Variants in ABHD12 observed in about 807,000 individuals in gnomAD.
ABHD12 encodes the protein lysophosphatidylserine lipase ABHD12.
ABHD12 carries 43 observed loss-of-function variants against 58.3 expected under a neutral mutation model. The observed-to-expected ratio is 0.74, with a 90% CI of 0.58 to 0.95. The LOEUF is 0.95. ABHD12 is among the 40% of genes least tolerant of loss of function. The pLI, the probability that ABHD12 is intolerant of heterozygous loss-of-function variation, is 0.00. For synonymous variants in ABHD12, 219 were observed against 211.2 expected, an observed-to-expected ratio of 1.04 and a Z score of -0.32; for missense variants, 539 against 537.2, an observed-to-expected ratio of 1.00 and a Z score of -0.03.
chr20:25,356,427 G>C lies in ABHD12; in HGVS notation c.192-17076C>G, dbSNP rs370426576. ...GCTGCTCTTGCACACTTTCCTTGCAGGGTGCAGGTCCCTCTGTGGATATCC... is the reference window on the plus strand; with the variant it reads ...GCTGCTCTTGCACACTTTCCTTGCACGGTGCAGGTCCCTCTGTGGATATCC... On this transcript the variant is annotated intron_variant, in intron 1 of 12. Transcript: ENST00000339157. 1.2e-3 allele frequency among the ~76,000 whole-genome samples: 182 copies of C among 152,368 alleles called. 1 individual carries two copies. Among genetic ancestry groups the C allele is most frequent in the African/African-American group, 4.2e-3 (174 of 41,584 alleles).
At chr20:25,378,129 C>G (rs913110979) in intron 1 of ABHD12, among the ~76,000 whole-genome samples, 24 of 152,326 alleles carry the variant, frequency 1.6e-4, no homozygotes, top group African/African-American at 5.3e-4. Flanking sequence ...GAAGATAAAT[C>G]AGTACATAAA....
chr20:25,357,144 C>T (rs1233471970), intron 1 of ABHD12, among the ~76,000 whole-genome samples: 1 of 152,144 alleles, frequency 6.6e-6, no homozygotes, highest in Non-Finnish European at 1.5e-5. Context: ...ACCCTGTGCC[C>T]CATGCTGCTG....
At chr20:25,305,333 A>C (rs2088715443) in intron 10 of ABHD12, among the ~76,000 whole-genome samples, 2 of 152,054 alleles carry the variant, frequency 1.3e-5, no homozygotes, top group African/African-American at 2.4e-5. Context: ...GTTTCAAATT[A>C]AATTAAATAT....
chr20:25,311,526 A>G (rs1363151298), intron 6 of ABHD12, among the ~76,000 whole-genome samples: 1 of 152,256 alleles, frequency 6.6e-6, no homozygotes, highest in Non-Finnish European at 1.5e-5. Context: ...ATGTTATAGC[A>G]GCAAGAGAGA....
At chr20:25,389,331 A>G (rs2090137938) in intron 1 of ABHD12, among the ~76,000 whole-genome samples, 1 of 152,238 alleles carries the variant, frequency 6.6e-6, no homozygotes, top group African/African-American at 2.4e-5. Context: ...CCATCGACTT[A>G]GAAGTGTCTA....
chr20:25,383,118 G>A (rs1360592271), intron 1 of ABHD12, among the ~76,000 whole-genome samples: 2 of 152,192 alleles, frequency 1.3e-5, no homozygotes, highest in Non-Finnish European at 2.9e-5. Flanking sequence ...AAAAGATGAA[G>A]AGATACCATA....
chr20:25,324,960 GCTC>G (rs2089147517), intron 2 of ABHD12, among the ~76,000 whole-genome samples: 2 of 151,964 alleles, frequency 1.3e-5, no homozygotes, highest in Non-Finnish European at 2.9e-5. Context: ...CCATCTGATG[GCTC>G]CTATTAGATT....
intron 1 of ABHD12, among the ~76,000 whole-genome samples, chr20:25,385,395 G>A (rs189584552): frequency 2.0e-5 from 3 of 148,700 alleles, no homozygotes; most frequent in East Asian, 2.0e-4. Flanking sequence ...AAAAAACAGG[G>A]AAGAAAACTA....
At chr20:25,370,101 T>G (rs773105670) in intron 1 of ABHD12, among the ~76,000 whole-genome samples, 5 of 152,176 alleles carry the variant, frequency 3.3e-5, no homozygotes, top group Non-Finnish European at 7.3e-5. Flanking sequence ...TTAAATTGAT[T>G]ACAGTGGACC....
At chr20:25,339,190 AC>A (rs746767006) in intron 2 of ABHD12, 36 bp downstream of exon 2, 65 of 1,613,118 alleles carry the variant, frequency 4.0e-5, no homozygotes, top group Non-Finnish European at 4.7e-5. Context: ...ATGAACCCTT[AC>A]TAAAATTAAA....
At chr20:25,330,566 C>T (rs2089255500) in intron 2 of ABHD12, among the ~76,000 whole-genome samples, 1 of 152,254 alleles carries the variant, frequency 6.6e-6, no homozygotes. Context: ...ATGTCCCTGT[C>T]TGACAGCTCT....
At chr20:25,343,773 C>A (rs1263448181) in intron 1 of ABHD12, among the ~76,000 whole-genome samples, 1 of 151,670 alleles carries the variant, frequency 6.6e-6, no homozygotes, top group South Asian at 2.1e-4. Flanking sequence ...CCAGCCTGAG[C>A]AACAAAGGAA....
At chr20:25,352,024 C>G (rs1157315323) in intron 1 of ABHD12, among the ~76,000 whole-genome samples, 50 of 152,234 alleles carry the variant, frequency 3.3e-4, no homozygotes, top group Non-Finnish European at 2.9e-5. Flanking sequence ...CAGAGTCTCT[C>G]TCTGAAGCCC....
rs1004491734 is a variant in ABHD12, at chr20:25,303,358, T to C, written c.1029+192A>G. 8 of 1,488,076 alleles carry C rather than the reference T, an allele frequency of 5.4e-6. No individual in the cohort carries two copies. In the African/African-American group the frequency reaches 9.7e-5, roughly 18 times the overall value. 92.2% of individuals were successfully genotyped at this position (1,488,076 alleles called of 1,614,324 possible). ...CCCAACCTTTACACCAGACCTCCCA[T>C]GTCCTTCCGAAGCAGCCTGGAGGTG... On this transcript the variant is annotated intron_variant, in intron 11 of 12. Transcript: ENST00000339157.
intron 2 of ABHD12, among the ~76,000 whole-genome samples, chr20:25,330,279 G>A (rs537424314): frequency 6.6e-6 from 1 of 152,266 alleles, no homozygotes; most frequent in South Asian, 2.1e-4. Context: ...GGCACAACAG[G>A]AGATTATATC....
rs1312067904 is a variant in ABHD12 at position 25,307,028 on chromosome 20, C to T, written c.868-113G>A. ...TCTATAAGGCGTTGCCCATAACTAC[C>T]CTACCTAAGGGAGCAGGGGTGACAT... On this transcript the variant is annotated intron_variant, in intron 9 of 12. Coordinates refer to ENST00000339157, the MANE Select transcript of ABHD12 (RefSeq NM_001042472.3). The T allele has an allele frequency of 3.9e-6, 3 of 776,220 alleles. No homozygotes were observed. The African/African-American group carries it at 5.1e-5, about 13-fold the overall frequency. 48.1% of individuals were successfully genotyped at this position (776,220 alleles called of 1,614,324 possible).
chr20:25,302,856 G>A (rs1285209113), intron 11 of ABHD12, among the ~76,000 whole-genome samples: 4 of 152,146 alleles, frequency 2.6e-5, no homozygotes, highest in African/African-American at 9.7e-5. Flanking sequence ...CTGACTGCAT[G>A]GGGGCTGTCA....
chr20:25,302,301 C>A lies in ABHD12; in HGVS notation c.1075G>T (p.Val359Phe). ...APARSFRDFKVQFVPFHSDLG... is the reference protein window; with the variant it reads ...APARSFRDFKFQFVPFHSDLG... ...TCTGAATGAAAGGGCACAAACTGAA[C>A]TTTGAAATCTCGGAAGCTTCGAGCT... Residue 359 changes from valine (V) to phenylalanine (F), a missense_variant, in exon 12 of 13, where the codon GTT becomes TTT. Val to Phe is a conservative substitution (Grantham distance 50). Coordinates refer to ENST00000339157, the MANE Select transcript of ABHD12 (RefSeq NM_001042472.3). 1 of 1,613,852 alleles carries A rather than the reference C, an allele frequency of 6.2e-7. No individual in the cohort carries two copies. Among genetic ancestry groups the A allele is most frequent in the Non-Finnish European group, 8.5e-7 (1 of 1,179,980 alleles).
At chr20:25,368,655 A>G (rs2089857507) in intron 1 of ABHD12, 3 of 1,364,784 alleles carry the variant, frequency 2.2e-6, no homozygotes, top group Admixed American at 3.4e-5. Flanking sequence ...CAGTGCTCAG[A>G]GCATGAAAGT....
Sources: allele counts gnomAD v4.1 joint callset (sites outside exome capture counted in the v4.1 genomes callset), GRCh38; gene constraint gnomAD v4.1.1; transcripts MANE v1.5; gene names NCBI Gene and HGNC (gene_info 2026-07-23, HGNC 2026-07-21).